The following CFAP299 variants were observed in gnomAD, a reference collection of about 807,000 sequenced individuals.
The protein encoded by CFAP299 is cilia and flagella associated protein 299.
Under a neutral mutation model 27.0 loss-of-function variants are expected in CFAP299, and 21 were observed. The observed-to-expected ratio is 0.78, with a 90% CI of 0.55 to 1.12. The LOEUF (loss-of-function observed/expected upper bound fraction) is 1.12, where lower values mean the gene tolerates loss of function less well. Ranked by LOEUF, CFAP299 falls within the 50% of genes most tolerant of loss-of-function variation. The pLI is 0.00. For synonymous variants in CFAP299, 104 were observed against 98.1 expected (o/e 1.06, Z -0.36); for missense variants, 310 against 276.6 (o/e 1.12, Z -0.86).
intron 3 of CFAP299, among the ~76,000 whole-genome samples, chr4:80,726,306 C>G (rs1053568022): frequency 6.6e-6 from 1 of 151,972 alleles, no homozygotes; most frequent in African/African-American, 2.4e-5. Flanking sequence ...ATTAAAGATG[C>G]CTATAATCTT....
intron 3 of CFAP299, among the ~76,000 whole-genome samples, chr4:80,693,828 A>G (rs1720913588): frequency 6.6e-6 from 1 of 151,788 alleles, no homozygotes; most frequent in Admixed American, 6.6e-5. Flanking sequence ...TATTAAAGCA[A>G]TGTCATCTGT....
At chr4:80,812,299 A>T (rs770099886) in intron 3 of CFAP299, among the ~76,000 whole-genome samples, 39 of 152,084 alleles carry the variant, frequency 2.6e-4, no homozygotes, top group Non-Finnish European at 4.7e-4. Context: ...ATGAGACTGC[A>T]GGTGTGGGTG....
chr4:80,680,010 G>A (rs904047620), intron 3 of CFAP299, among the ~76,000 whole-genome samples: 8 of 151,854 alleles, frequency 5.3e-5, no homozygotes, highest in Admixed American at 1.3e-4. Flanking sequence ...GTCCTTATCC[G>A]TTCTGTCTTC....
intron 2 of CFAP299, among the ~76,000 whole-genome samples, chr4:80,437,840 T>C (rs1442690373): frequency 1.3e-5 from 2 of 152,254 alleles, no homozygotes; most frequent in East Asian, 3.8e-4. Flanking sequence ...TCTACTTGTC[T>C]AACTAGGCTT....
intron 2 of CFAP299, among the ~76,000 whole-genome samples, chr4:80,497,793 AT>A (rs1731533086): frequency 1.3e-5 from 2 of 152,210 alleles, no homozygotes; most frequent in African/African-American, 4.8e-5. Context: ...AAGACACTGA[AT>A]AGCATAAGCA....
chr4:80,821,479 CA>C (rs1483760977), intron 3 of CFAP299, among the ~76,000 whole-genome samples: 1 of 152,122 alleles, frequency 6.6e-6, no homozygotes, highest in African/African-American at 2.4e-5. Context: ...CAGAACTGAG[CA>C]GAAGATGTGT....
At chr4:80,406,762 A>G (rs1016277424) in intron 2 of CFAP299, among the ~76,000 whole-genome samples, 2 of 152,234 alleles carry the variant, frequency 1.3e-5, no homozygotes, top group Non-Finnish European at 2.9e-5. Context: ...TCACAATATT[A>G]ATATGCAACT....
intron 2 of CFAP299, among the ~76,000 whole-genome samples, chr4:80,393,192 G>A (rs1206061036): frequency 6.6e-6 from 1 of 151,596 alleles, no homozygotes; most frequent in Non-Finnish European, 1.5e-5. Flanking sequence ...ATAGAATCAG[G>A]ATATTAAAAA....
At chr4:80,699,311 T>C (rs1413624446) in intron 3 of CFAP299, among the ~76,000 whole-genome samples, 4 of 152,178 alleles carry the variant, frequency 2.6e-5, no homozygotes, top group South Asian at 2.1e-4. Context: ...AGGTGGCTTG[T>C]CAACATCTCA....
chr4:80,807,302 A>G (rs925408229), intron 3 of CFAP299, among the ~76,000 whole-genome samples: 10 of 152,172 alleles, frequency 6.6e-5, no homozygotes, highest in African/African-American at 2.4e-4. Flanking sequence ...AATGAAACAT[A>G]TGATATATGT....
chr4:80,390,668 T>C (rs1338885030), intron 2 of CFAP299, among the ~76,000 whole-genome samples: 1 of 146,682 alleles, frequency 6.8e-6, no homozygotes, highest in Non-Finnish European at 1.5e-5. Context: ...TATGTATATA[T>C]GTATACATGT....
rs17004927 is a variant in CFAP299, at chr4:80,527,015, G to A, written c.243-56078G>A. The stretch of plus-strand genomic sequence containing the variant: ...TGGGCCAGTTACTTAAATTTTTCAA[G>A]CTATTTTTCTTATCTAATACCTAGG... On this transcript the variant is annotated intron_variant, in intron 2 of 5. Coordinates refer to ENST00000358105, the MANE Select transcript of CFAP299 (RefSeq NM_152770.3). Among the ~76,000 whole-genome samples the A allele has an allele frequency of 6.1e-3, 921 of 150,038 alleles. 11 individuals are homozygous for A. Among genetic ancestry groups the A allele is most frequent in the African/African-American group, 0.021 (864 of 40,214 alleles).
intron 2 of CFAP299, among the ~76,000 whole-genome samples, chr4:80,518,920 C>T (rs1465714294): frequency 2.6e-5 from 4 of 152,042 alleles, no homozygotes; most frequent in African/African-American, 9.7e-5. Flanking sequence ...ACACTGAAGA[C>T]ATACAAATAC....
intron 2 of CFAP299, chr4:80,388,364 G>C: frequency 1.5e-6 from 1 of 682,296 alleles, no homozygotes; most frequent in South Asian, 1.6e-5. Context: ...GATGTATGTA[G>C]AGATCTGGCA....
chr4:80,691,642 G>A (rs1212079132), intron 3 of CFAP299, among the ~76,000 whole-genome samples: 17 of 150,178 alleles, frequency 1.1e-4, no homozygotes, highest in Admixed American at 6.0e-4. Flanking sequence ...ACAAGACAGG[G>A]ATGCCCTCTC....
chr4:80,643,615 T>C (rs1739836375), intron 3 of CFAP299, among the ~76,000 whole-genome samples: 1 of 152,140 alleles, frequency 6.6e-6, no homozygotes, highest in Non-Finnish European at 1.5e-5. Flanking sequence ...GTTGGAGAGC[T>C]TGGCCTTGGA....
chr4:80,646,984 A>AGT (rs751196606), intron 3 of CFAP299, among the ~76,000 whole-genome samples: 86 of 145,024 alleles, frequency 5.9e-4, no homozygotes, highest in Admixed American at 1.5e-3. Context: ...AGAGAGAGAG[A>AGT]GAGAGTGTGT....
At chr4:80,793,549 G>A (rs76361365) in intron 3 of CFAP299, among the ~76,000 whole-genome samples, 1 of 151,984 alleles carries the variant, frequency 6.6e-6, no homozygotes, top group Admixed American at 6.6e-5. Context: ...CATACACATT[G>A]CCTGAGATCA....
At chr4:80,934,229 A>G (rs1156291912) in intron 4 of CFAP299, among the ~76,000 whole-genome samples, 2 of 152,066 alleles carry the variant, frequency 1.3e-5, no homozygotes, top group African/African-American at 4.8e-5. Context: ...ATTTATTTGC[A>G]TATGTTGAGC....
Sources: gnomAD v4.1 joint callset for allele counts (sites outside exome capture counted in the v4.1 genomes callset) on GRCh38, gnomAD v4.1.1 for gene constraint, MANE v1.5 for transcripts, NCBI Gene and HGNC (gene_info 2026-07-23, HGNC 2026-07-21) for gene names.